Variants in WHRN observed in about 807,000 individuals in gnomAD.
WHRN encodes whirlin.
Under a neutral mutation model 68.3 loss-of-function variants are expected in WHRN, and 41 were observed. That is an observed-to-expected ratio of 0.60 (90% CI 0.47 to 0.78). The LOEUF is 0.78. Ranked by LOEUF, WHRN falls within the 30% of genes least tolerant of loss-of-function variation. The probability of loss-of-function intolerance (pLI) is 0.00; values close to 1 mark genes in which losing one functional copy is unlikely to be tolerated. For synonymous variants in WHRN, 560 were observed against 561.3 expected, an observed-to-expected ratio of 1.00 and a Z score of 0.03; for missense variants, 1,243 against 1,244.7, an observed-to-expected ratio of 1.00 and a Z score of 0.02.
chr9:114,403,058 G>T, intron 11 of WHRN, 122 bp from the exon 12 acceptor site: 2 of 1,524,310 alleles, frequency 1.3e-6, no homozygotes, highest in Non-Finnish European at 9.0e-7. Context: ...TCCACTTCTC[G>T]GATTAGGAAA....
At chr9:114,437,299 T>A (rs1251922672) in intron 3 of WHRN, among the ~76,000 whole-genome samples, 1 of 152,060 alleles carries the variant, frequency 6.6e-6, no homozygotes, top group Non-Finnish European at 1.5e-5. Context: ...TTTATAGGCA[T>A]TAAGAGAAAA....
chr9:114,402,958 C>T, intron 11 of WHRN, 22 bp from the exon 12 acceptor site: 1 of 1,599,658 alleles, frequency 6.3e-7, no homozygotes, highest in Non-Finnish European at 8.5e-7. Context: ...AGACACAGGG[C>T]ATGGGGTGCC....
At chr9:114,475,670 T>C (rs187984022) in intron 2 of WHRN, among the ~76,000 whole-genome samples, 3 of 152,240 alleles carry the variant, frequency 2.0e-5, no homozygotes, top group East Asian at 1.9e-4. Flanking sequence ...CCGTGGCTTT[T>C]TGGACTATCA....
chr9:114,473,766 G>C (rs1452256816), intron 2 of WHRN, among the ~76,000 whole-genome samples: 1 of 152,286 alleles, frequency 6.6e-6, no homozygotes, highest in East Asian at 1.9e-4. Context: ...GACGCAGGCC[G>C]CCTTCTGAAA....
chr9:114,489,403 G>A (rs1842781515), intron 1 of WHRN, among the ~76,000 whole-genome samples: 1 of 151,932 alleles, frequency 6.6e-6, no homozygotes, highest in Non-Finnish European at 1.5e-5. Flanking sequence ...TTGGTTGCTA[G>A]GGGGCTCAGA....
intron 6 of WHRN, 59 bp downstream of exon 6, chr9:114,424,275 G>T: frequency 4.4e-6 from 7 of 1,588,794 alleles, no homozygotes; most frequent in Non-Finnish European, 6.0e-6. Context: ...AGCGGGGGCA[G>T]GGCAGGATGC....
At chr9:114,500,154 A>T (rs973654217) in intron 1 of WHRN, among the ~76,000 whole-genome samples, 1 of 152,240 alleles carries the variant, frequency 6.6e-6, no homozygotes, top group African/African-American at 2.4e-5. Context: ...TGCAGCAGCC[A>T]CAAATCTACT....
Position 114,426,252 on chromosome 9 carries a change from G to A in WHRN, c.1125C>T (p.Ile375=), listed in dbSNP as rs565175361. Residue 375 remains isoleucine, a synonymous_variant, in exon 4 of 12, where the codon ATC becomes ATT. Coordinates refer to ENST00000362057, the MANE Select transcript of WHRN (RefSeq NM_015404.4). ...TGGTCTCCCTGATCCGGGAACTGGCGATCCACTTGGTCTCGTCCACAGTGG... is the reference window on the plus strand; with the variant it reads ...TGGTCTCCCTGATCCGGGAACTGGCAATCCACTTGGTCTCGTCCACAGTGG... The part of the protein sequence containing the change: ...ARTTVDETKW[I]ASSRIRETMA... 101 of 1,612,718 alleles carry A rather than the reference G, an allele frequency of 6.3e-5. No individual in the cohort carries two copies. In the South Asian group the frequency reaches 7.5e-4, roughly 12 times the overall value.
intron 3 of WHRN, among the ~76,000 whole-genome samples, chr9:114,429,893 A>G (rs1165270597): frequency 6.6e-6 from 1 of 152,038 alleles, no homozygotes; most frequent in East Asian, 1.9e-4. Context: ...AACTTGCTAA[A>G]CCACCTCCCC....
chr9:114,463,103 C>T (rs117191293), intron 3 of WHRN, among the ~76,000 whole-genome samples: 3,406 of 152,328 alleles, frequency 0.022, 48 homozygotes, highest in Middle Eastern at 0.037. Context: ...CCACACAACA[C>T]CTCTCAAGGA....
At chr9:114,418,766 T>G (rs1040347765) in intron 7 of WHRN, among the ~76,000 whole-genome samples, 1 of 152,212 alleles carries the variant, frequency 6.6e-6, no homozygotes, top group Non-Finnish European at 1.5e-5. Flanking sequence ...AGGTCTTGAC[T>G]CAAGGGTCAC....
intron 1 of WHRN, chr9:114,491,826 G>A (rs1842996789): frequency 3.8e-6 from 1 of 262,736 alleles, no homozygotes; most frequent in Non-Finnish European, 7.7e-6. Flanking sequence ...CTCCTGCAGG[G>A]CCCACAAGTC....
intron 3 of WHRN, among the ~76,000 whole-genome samples, chr9:114,454,466 T>A (rs1467753735): frequency 3.3e-5 from 5 of 152,132 alleles, no homozygotes; most frequent in African/African-American, 1.2e-4. Context: ...CCAAAGTTAA[T>A]AAAAACAGTA....
intron 11 of WHRN, 48 bp downstream of exon 11, chr9:114,403,169 C>A (rs754853971): frequency 4.3e-6 from 7 of 1,611,974 alleles, no homozygotes; most frequent in Middle Eastern, 1.6e-4. Context: ...TGAGAAAGGG[C>A]CTTTCAGGGG....
chr9:114,404,888 T>A (rs1022470430), intron 9 of WHRN, among the ~76,000 whole-genome samples: 1 of 151,368 alleles, frequency 6.6e-6, no homozygotes, highest in African/African-American at 2.4e-5. Context: ...TAACCTAGGG[T>A]TTCAAACTCA....
At position 114,406,598 on chromosome 9, in the gene WHRN, G is replaced by T. The variant is rs762185744; in HGVS notation, c.1993C>A (p.Leu665Met). Residue 665 changes from leucine (L) to methionine (M), a missense_variant, in exon 9 of 12, where the codon CTG (leucine) becomes ATG (methionine). Leu to Met is a conservative substitution (Grantham distance 15). Transcript: ENST00000362057. The part of the protein sequence containing the change: ...SPANPSSKRP[L>M]DAHLALVNQH... The stretch of plus-strand genomic sequence containing the variant: ...TTGACCAGGGCCAGATGGGCGTCCA[G>T]CGGCCTCTTGGAGCTGGGGTTGGCA... The T allele has an allele frequency of 6.2e-7, 1 of 1,610,888 alleles. No individual in the cohort carries two copies. Among genetic ancestry groups the T allele is most frequent in the Non-Finnish European group, 8.5e-7 (1 of 1,177,670 alleles).
intron 11 of WHRN, 132 bp downstream of exon 11, chr9:114,403,085 G>A: frequency 1.3e-6 from 2 of 1,542,322 alleles, no homozygotes; most frequent in Middle Eastern, 1.7e-4. Context: ...GCCCGGAAGA[G>A]CAAAGGTGAC....
In WHRN at chr9:114,424,890, T is replaced by A. The variant is rs1836676928; in HGVS notation, c.1203+98A>T. ...CAGATAAGGGGCTGCCCAGTTGGAA[T>A]GAGGTAGTGTAAGTCACTCGGCACC... On this transcript the variant is annotated intron_variant, in intron 5 of 11. Coordinates refer to ENST00000362057, the MANE Select transcript of WHRN (RefSeq NM_015404.4). The A allele has an allele frequency of 3.0e-6, 4 of 1,315,014 alleles. No homozygotes were observed. In the South Asian group the frequency reaches 3.5e-5, roughly 12 times the overall value. The allele number at this position is 1,315,014 out of a possible 1,614,324, so 81.5% of individuals were successfully genotyped here.
At chr9:114,446,556 G>C (rs142949717) in intron 3 of WHRN, among the ~76,000 whole-genome samples, 6 of 152,270 alleles carry the variant, frequency 3.9e-5, no homozygotes, top group African/African-American at 1.2e-4. Flanking sequence ...TAGAAGGTAG[G>C]ATGTCTGGGT....
Sources: allele counts gnomAD v4.1 joint callset (sites outside exome capture counted in the v4.1 genomes callset), GRCh38; gene constraint gnomAD v4.1.1; transcripts MANE v1.5; gene names NCBI Gene and HGNC (gene_info 2026-07-23, HGNC 2026-07-21).